Variants in CFAP54 observed in about 807,000 individuals in gnomAD.
CFAP54 encodes the protein cilia and flagella associated protein 54.
Under a neutral mutation model 370.4 loss-of-function variants are expected in CFAP54, and 290 were observed. The observed-to-expected ratio is 0.78, with a 90% CI of 0.71 to 0.86. CFAP54 has a LOEUF of 0.86. CFAP54 is among the 40% of genes least tolerant of loss of function. CFAP54 has a pLI of 0.00. For synonymous variants in CFAP54, 1,206 were observed against 1,236.5 expected (o/e 0.98, Z 0.52); for missense variants, 3,399 against 3,528.7 (o/e 0.96, Z 0.93).
chr12:96,554,876 T>C, intron 17 of CFAP54, 74 bp downstream of exon 17: 5 of 1,310,302 alleles, frequency 3.8e-6, no homozygotes, highest in Non-Finnish European at 4.9e-6. Context: ...CAATTTAATT[T>C]GAAAACTGTG....
chr12:96,767,921 T>G (rs184465795), intron 60 of CFAP54, among the ~76,000 whole-genome samples: 1 of 152,238 alleles, frequency 6.6e-6, no homozygotes, highest in East Asian at 1.9e-4. Context: ...ATATTTACAT[T>G]CAGAGAGAAG....
Position 96,768,396 on chromosome 12 carries a change from T to C in CFAP54, c.8281+3178T>C, listed in dbSNP as rs563282311. ...GGCTGGGTGCGGTGGGTTATGGCTATAATCCTGGCACTTTGGAAGGCCAAG... is the reference window on the plus strand; with the variant it reads ...GGCTGGGTGCGGTGGGTTATGGCTACAATCCTGGCACTTTGGAAGGCCAAG... On this transcript the variant is annotated intron_variant, in intron 60 of 67. Coordinates refer to ENST00000524981, the MANE Select transcript of CFAP54 (RefSeq NM_001306084.2). Among the ~76,000 whole-genome samples the C allele has an allele frequency of 2.6e-5, 4 of 152,138 alleles. No individual in the cohort carries two copies. In the East Asian group the frequency reaches 5.8e-4, roughly 22 times the overall value.
intron 3 of CFAP54, among the ~76,000 whole-genome samples, chr12:96,506,042 C>T (rs1955096056): frequency 6.6e-6 from 1 of 152,052 alleles, no homozygotes; most frequent in Non-Finnish European, 1.5e-5. Flanking sequence ...GAGCTTATAA[C>T]AATTGATTCA....
rs529792391 is a variant in CFAP54, at chr12:96,680,898, A to G, written c.5716+1146A>G. ...TAGGAGTTAGAGACCAGCCTGGCCAACATAGTGAAACCCTGTCTCTACTAA... is the reference window on the plus strand; with the variant it reads ...TAGGAGTTAGAGACCAGCCTGGCCAGCATAGTGAAACCCTGTCTCTACTAA... On this transcript the variant is annotated intron_variant, in intron 40 of 67. Transcript: ENST00000524981. Among the ~76,000 whole-genome samples, 3 of 152,318 alleles carry G rather than the reference A, an allele frequency of 2.0e-5. No individual in the cohort carries two copies. In the South Asian group the frequency reaches 6.2e-4, roughly 32 times the overall value.
intron 63 of CFAP54, among the ~76,000 whole-genome samples, chr12:96,803,130 A>G (rs1023954710): frequency 5.9e-5 from 9 of 152,196 alleles, no homozygotes; most frequent in Non-Finnish European, 1.2e-4. Context: ...TAGTGCCGCA[A>G]TAAACACACG....
intron 26 of CFAP54, among the ~76,000 whole-genome samples, chr12:96,608,299 A>G (rs1565912411): frequency 5.3e-5 from 2 of 37,736 alleles, no homozygotes. Flanking sequence ...TTATATATGC[A>G]TATATATATA....
At chr12:96,512,663 A>G (rs1190760170) in intron 4 of CFAP54, among the ~76,000 whole-genome samples, 1 of 152,080 alleles carries the variant, frequency 6.6e-6, no homozygotes, top group Admixed American at 6.6e-5. Flanking sequence ...ATTTTATATG[A>G]ATTAATGAAA....
intron 67 of CFAP54, among the ~76,000 whole-genome samples, chr12:96,868,206 A>T (rs1458289338): frequency 6.6e-6 from 1 of 152,132 alleles, no homozygotes; most frequent in Non-Finnish European, 1.5e-5. Flanking sequence ...GCTTGTTTAC[A>T]TAGCTGTCCT....
At chr12:96,690,296 A>T (rs1165233741) in intron 43 of CFAP54, among the ~76,000 whole-genome samples, 1 of 152,226 alleles carries the variant, frequency 6.6e-6, no homozygotes, top group African/African-American at 2.4e-5. Flanking sequence ...AGTATTTTAG[A>T]ATAGGATATC....
intron 66 of CFAP54, among the ~76,000 whole-genome samples, chr12:96,838,172 G>A (rs1337661877): frequency 6.6e-6 from 1 of 152,166 alleles, no homozygotes; most frequent in East Asian, 1.9e-4. Context: ...GGAAGACGAA[G>A]CAGAAAATAA....
chr12:96,506,650 G>A (rs1406911267), intron 3 of CFAP54, among the ~76,000 whole-genome samples: 3 of 146,378 alleles, frequency 2.0e-5, no homozygotes, highest in Non-Finnish European at 4.5e-5. Context: ...GCAGTGGCAC[G>A]ATCTTGGCTC....
intron 4 of CFAP54, among the ~76,000 whole-genome samples, chr12:96,510,004 A>G (rs1325199154): frequency 6.6e-6 from 1 of 152,042 alleles, no homozygotes; most frequent in Non-Finnish European, 1.5e-5. Context: ...CAGGCCCGGC[A>G]TGGTGGCTCA....
In CFAP54 at chr12:96,522,203, T is replaced by C. The variant is rs1171229558; in HGVS notation, c.1158+14T>C. Reference sequence around the variant, plus strand: ...GAAGTACAAACTGTAAGTCTAAACATGTCTTCTCTCTTTAAGACTCTTTTT... The same window carrying C: ...GAAGTACAAACTGTAAGTCTAAACACGTCTTCTCTCTTTAAGACTCTTTTT... On this transcript the variant is annotated intron_variant, in intron 8 of 67. Transcript: ENST00000524981. 2 of 1,471,388 alleles carry C rather than the reference T, an allele frequency of 1.4e-6. No homozygotes were observed. Among genetic ancestry groups the C allele is most frequent in the African/African-American group, 1.4e-5 (1 of 71,196 alleles). The allele number at this position is 1,471,388 out of a possible 1,614,324, so 91.1% of individuals were successfully genotyped here.
intron 61 of CFAP54, 60 bp from the exon 62 acceptor site, chr12:96,786,615 A>G: frequency 8.1e-7 from 1 of 1,232,940 alleles, no homozygotes; most frequent in South Asian, 1.4e-5. Context: ...AATACCAGCA[A>G]TATTGAGATC....
chr12:96,553,057 C>T (rs761953199), intron 15 of CFAP54, among the ~76,000 whole-genome samples: 4 of 152,188 alleles, frequency 2.6e-5, no homozygotes, highest in Non-Finnish European at 5.9e-5. Context: ...CTTAGGTTCA[C>T]AGAGGCTTCT....
chr12:96,570,624 C>G (rs1461958495), intron 19 of CFAP54, among the ~76,000 whole-genome samples: 1 of 152,098 alleles, frequency 6.6e-6, no homozygotes, highest in Non-Finnish European at 1.5e-5. Flanking sequence ...TATTTATGCT[C>G]TCTTAAGATT....
In CFAP54 at chr12:96,630,626, A is replaced by C; in HGVS notation, c.4291A>C (p.Ile1431Leu). 2 of 1,498,320 alleles carry C rather than the reference A, an allele frequency of 1.3e-6. No homozygotes were observed. The highest frequency in any genetic ancestry group is 1.8e-6 in the Non-Finnish European group (2 of 1,130,324). 92.8% of individuals were successfully genotyped at this position (1,498,320 alleles called of 1,614,324 possible). ...AGATTTCATTTTTAAAAATCCGGCTATTTCTGAAATGGTGGCACATGAAAG... is the reference window on the plus strand; with the variant it reads ...AGATTTCATTTTTAAAAATCCGGCTCTTTCTGAAATGGTGGCACATGAAAG... ...LRDFIFKNPA[I>L]SEMVAHERNR... Residue 1431 changes from isoleucine to leucine, a missense_variant, in exon 32 of 68, where the codon ATT (isoleucine) becomes CTT (leucine). Physicochemically the swap from Ile to Leu is conservative, Grantham distance 5 (BLOSUM62 2). Around this residue, in one of 3 missense-constraint regions of CFAP54, gnomAD observed 2,796 missense variants for 2,869.7 expected, o/e 0.97. Coordinates refer to ENST00000524981, the MANE Select transcript of CFAP54 (RefSeq NM_001306084.2).
At position 96,647,472 on chromosome 12, in the gene CFAP54, C is replaced by CAAAAAAAAAA. The variant is rs57089692; in HGVS notation, c.4548-388_4548-379dup. The stretch of plus-strand genomic sequence containing the variant: ...TGGGCGACAGAGCGAGACTCTGTCC[C>CAAAAAAAAAA]AAAAAAAAAAAAAAAAAAAAAAAAG... On this transcript the variant is annotated intron_variant, in intron 33 of 67. Transcript: ENST00000524981. 8.5e-3 allele frequency among the ~76,000 whole-genome samples: 346 copies of CAAAAAAAAAA among 40,724 alleles called. 6 individuals carry two copies. Among genetic ancestry groups the CAAAAAAAAAA allele is most frequent in the Admixed American group, 0.014 (27 of 1,976 alleles). 26.7% of individuals were successfully genotyped at this position (40,724 alleles called of 152,430 possible).
chr12:96,660,250 C>T (rs1437406774), intron 38 of CFAP54, among the ~76,000 whole-genome samples: 2 of 152,144 alleles, frequency 1.3e-5, no homozygotes, highest in African/African-American at 4.8e-5. Context: ...GCCTGTATGG[C>T]TGAAGTGTAG....
Sources: allele counts gnomAD v4.1 joint callset (sites outside exome capture counted in the v4.1 genomes callset), GRCh38; gene constraint gnomAD v4.1.1; regional missense constraint gnomAD v4.1.1; transcripts MANE v1.5; gene names NCBI Gene and HGNC (gene_info 2026-07-23, HGNC 2026-07-21).